Variants in CUX2 observed in about 807,000 individuals in gnomAD.
CUX2 encodes the protein cut like homeobox 2.
A neutral mutation model predicts 144.8 loss-of-function variants in CUX2; 40 were observed. That is an observed-to-expected ratio of 0.28 (90% CI 0.21 to 0.36). The LOEUF is 0.36. Among genes scored for constraint, CUX2 ranks in the 10% least tolerant of loss-of-function variants. The pLI is 1.00. For synonymous variants in CUX2, 827 were observed against 875.6 expected (o/e 0.94, Z 0.98); for missense variants, 1,615 against 1,994.0 (o/e 0.81, Z 3.62).
chr12:111,145,196 G>A (rs956335231), intron 1 of CUX2, among the ~76,000 whole-genome samples: 7 of 152,230 alleles, frequency 4.6e-5, no homozygotes, highest in East Asian at 1.9e-4. Flanking sequence ...TTGTCCAGGC[G>A]TGGCTTGGCT....
intron 1 of CUX2, among the ~76,000 whole-genome samples, chr12:111,098,469 C>T (rs778041892): frequency 2.6e-5 from 4 of 152,108 alleles, no homozygotes; most frequent in Admixed American, 6.5e-5. Flanking sequence ...GCCTTGGCAC[C>T]GGGGATTCCC....
intron 3 of CUX2, among the ~76,000 whole-genome samples, chr12:111,243,191 G>A (rs1883116446): frequency 6.6e-6 from 1 of 152,110 alleles, no homozygotes; most frequent in Non-Finnish European, 1.5e-5. Context: ...TAATTGGTCA[G>A]TCCCATGGAC....
At chr12:111,213,124 A>C (rs893703692) in intron 1 of CUX2, among the ~76,000 whole-genome samples, 1 of 152,258 alleles carries the variant, frequency 6.6e-6, no homozygotes, top group Admixed American at 6.5e-5. Flanking sequence ...AATTTATTGC[A>C]TCACCGGATT....
At chr12:111,303,422 G>C (rs961290089) in intron 9 of CUX2, among the ~76,000 whole-genome samples, 8 of 151,314 alleles carry the variant, frequency 5.3e-5, no homozygotes, top group Non-Finnish European at 1.0e-4. Context: ...GATCACCTGA[G>C]GTCAGGAGTT....
chr12:111,244,092 G>GT (rs72006914), intron 3 of CUX2, among the ~76,000 whole-genome samples: 50 of 151,394 alleles, frequency 3.3e-4, no homozygotes, highest in Middle Eastern at 3.4e-3. Context: ...AGCTTTTTGG[G>GT]TTTTTTTTTG....
At chr12:111,314,329 CCCAAAGTGCTGGGATTACAGGCGTGAG>C (rs879860953) in intron 16 of CUX2, among the ~76,000 whole-genome samples, 5 of 150,542 alleles carry the variant, frequency 3.3e-5, no homozygotes, top group African/African-American at 7.4e-5. Flanking sequence ...TGCCTCGGCT[CCCAAAGTGCTGGGATTACAGGCGTGAG>C]CCACCGTGCC....
chr12:111,142,013 G>A (rs1357889221), intron 1 of CUX2, among the ~76,000 whole-genome samples: 6 of 152,170 alleles, frequency 3.9e-5, no homozygotes, highest in African/African-American at 1.4e-4. Flanking sequence ...GAACCCTGGA[G>A]GTGGAGGTTG....
chr12:111,259,091 A>G (rs939441473), intron 3 of CUX2, among the ~76,000 whole-genome samples: 2 of 138,330 alleles, frequency 1.4e-5, no homozygotes, highest in Admixed American at 1.4e-4. Context: ...GTGTGTGGAG[A>G]TAGGGTCTTG....
intron 1 of CUX2, among the ~76,000 whole-genome samples, chr12:111,155,401 G>A (rs1011260432): frequency 3.9e-5 from 6 of 152,210 alleles, no homozygotes; most frequent in African/African-American, 1.4e-4. Flanking sequence ...ATGATTCTTA[G>A]TGCTCTTTCT....
intron 16 of CUX2, 69 bp from the exon 17 acceptor site, chr12:111,319,943 G>A: frequency 7.1e-7 from 1 of 1,407,996 alleles, no homozygotes. Flanking sequence ...CAGGGATGCT[G>A]TGAACATCGT....
intron 16 of CUX2, among the ~76,000 whole-genome samples, chr12:111,315,699 A>G (rs7137772): frequency 0.26 from 39,507 of 151,918 alleles, 7,461 homozygotes; most frequent in East Asian, 0.68. Context: ...AGCCTGGGCA[A>G]CAGAGCAAGA....
intron 1 of CUX2, among the ~76,000 whole-genome samples, chr12:111,116,313 A>C (rs1366563063): frequency 2.0e-5 from 3 of 152,216 alleles, no homozygotes; most frequent in Non-Finnish European, 4.4e-5. Context: ...TATAATTAGG[A>C]AATGCCAAGG....
intron 1 of CUX2, among the ~76,000 whole-genome samples, chr12:111,088,906 G>A (rs1375360200): frequency 1.3e-5 from 2 of 152,154 alleles, no homozygotes; most frequent in South Asian, 2.1e-4. Context: ...GGGGAGAGGC[G>A]GTGGAGAGTC....
intron 1 of CUX2, among the ~76,000 whole-genome samples, chr12:111,098,675 C>T (rs1014643913): frequency 6.6e-6 from 1 of 152,196 alleles, no homozygotes; most frequent in African/African-American, 2.4e-5. Flanking sequence ...TACCCCCAGC[C>T]CCAGAGCAGC....
chr12:111,096,985 A>G (rs1224975568), intron 1 of CUX2, among the ~76,000 whole-genome samples: 1 of 152,152 alleles, frequency 6.6e-6, no homozygotes, highest in East Asian at 1.9e-4. Flanking sequence ...AAGAAAAAAA[A>G]AAGAAAAAGA....
At chr12:111,119,415 G>A (rs1313855765) in intron 1 of CUX2, among the ~76,000 whole-genome samples, 4 of 151,700 alleles carry the variant, frequency 2.6e-5, no homozygotes, top group Non-Finnish European at 4.4e-5. Context: ...ACCAGCCTGG[G>A]CAACATAGCG....
chr12:111,149,173 A>G (rs1876884692), intron 1 of CUX2, among the ~76,000 whole-genome samples: 1 of 152,132 alleles, frequency 6.6e-6, no homozygotes, highest in South Asian at 2.1e-4. Flanking sequence ...CAACCATATC[A>G]TCCTAGCTAA....
At chr12:111,097,752 A>G (rs1872913639) in intron 1 of CUX2, among the ~76,000 whole-genome samples, 1 of 152,222 alleles carries the variant, frequency 6.6e-6, no homozygotes, top group Admixed American at 6.5e-5. Context: ...AAGAGACTGC[A>G]GCGAGCAGGC....
At chr12:111,332,737 A>G (rs1888177876) in intron 18 of CUX2, among the ~76,000 whole-genome samples, 2 of 152,206 alleles carry the variant, frequency 1.3e-5, no homozygotes, top group South Asian at 4.1e-4. Context: ...TTTCTCTGCC[A>G]TTTGAGGAAT....
Sources: gnomAD v4.1 joint callset for allele counts (sites outside exome capture counted in the v4.1 genomes callset) on GRCh38, gnomAD v4.1.1 for gene constraint, MANE v1.5 for transcripts, NCBI Gene and HGNC (gene_info 2026-07-23, HGNC 2026-07-21) for gene names.